The following BACH2 variants were observed in gnomAD, a reference collection of about 807,000 sequenced individuals.
BACH2 encodes the protein transcription regulator protein BACH2.
BACH2 carries 5 observed loss-of-function variants against 61.8 expected under a neutral mutation model. The ratio of observed to expected loss-of-function variants is 0.08; its 90% CI spans 0.04 to 0.17. The LOEUF (loss-of-function observed/expected upper bound fraction) is 0.17, where lower values mean the gene tolerates loss of function less well. Among genes scored for constraint, BACH2 ranks in the 10% least tolerant of loss-of-function variants. The pLI is 1.00. For synonymous variants in BACH2, 446 were observed against 440.1 expected, an observed-to-expected ratio of 1.01 and a Z score of -0.17; for missense variants, 824 against 1,091.1, an observed-to-expected ratio of 0.76 and a Z score of 3.45.
At chr6:89,983,609 C>A (rs13347342) in intron 6 of BACH2, among the ~76,000 whole-genome samples, 1 of 152,020 alleles carries the variant, frequency 6.6e-6, no homozygotes, top group Non-Finnish European at 1.5e-5. Context: ...GCAGAGGTTG[C>A]GGTGAGCCGA....
At position 90,164,633 on chromosome 6, in the gene BACH2, T is replaced by C. The variant is rs532511908; in HGVS notation, c.-162+41936A>G. 2.0e-4 allele frequency among the ~76,000 whole-genome samples: 31 copies of C among 152,230 alleles called. No individual in the cohort carries two copies. The East Asian group carries it at 3.7e-3, about 18-fold the overall frequency. ...CAAAAAAGAGAATTTTAGACCAATA[T>C]CCTTGATGAACATTGATGCAAAAAT... is the stretch of plus-strand genomic sequence containing the variant. On this transcript the variant is annotated intron_variant, in intron 4 of 8. Coordinates refer to ENST00000257749, the MANE Select transcript of BACH2 (RefSeq NM_021813.4).
At chr6:89,937,125 T>C (rs937927054) in intron 8 of BACH2, among the ~76,000 whole-genome samples, 3 of 152,064 alleles carry the variant, frequency 2.0e-5, no homozygotes, top group African/African-American at 7.2e-5. Flanking sequence ...GACGGGAGTT[T>C]GTTTTCTGTG....
chr6:90,028,465 G>GT lies in BACH2; in HGVS notation c.-12-19610dup, dbSNP rs751934706. 1.2e-4 allele frequency among the ~76,000 whole-genome samples: 19 copies of GT among 152,276 alleles called. No individual in the cohort carries two copies. In the Middle Eastern group the frequency reaches 0.017, roughly 137 times the overall value. ...TTTCTCTCTCTGCTACCTTTTGCAT[G>GT]TATGTTCTGCCCAAATCAGAATCCT... On this transcript the variant is annotated intron_variant, in intron 5 of 8. Coordinates refer to ENST00000257749, the MANE Select transcript of BACH2 (RefSeq NM_021813.4).
chr6:89,966,288 T>A lies in BACH2; in HGVS notation c.244-14426A>T, dbSNP rs188426273. On this transcript the variant is annotated intron_variant, in intron 6 of 8. Transcript: ENST00000257749. ...TAAAAATCATACATGGAAACCAGAC[T>A]TTTTGCCAAAGGGACGATACACTTC... Among the ~76,000 whole-genome samples, 17 of 152,342 alleles carry A rather than the reference T, an allele frequency of 1.1e-4. No homozygotes were observed. The East Asian group carries it at 2.9e-3, about 26-fold the overall frequency.
At chr6:90,053,960 T>C (rs540296051) in intron 5 of BACH2, among the ~76,000 whole-genome samples, 2 of 152,192 alleles carry the variant, frequency 1.3e-5, no homozygotes, top group Non-Finnish European at 2.9e-5. Context: ...TATTTCTCAT[T>C]GAAAAATTCT....
intron 4 of BACH2, among the ~76,000 whole-genome samples, chr6:90,102,839 T>TAAGAAA (rs751278080): frequency 8.2e-6 from 1 of 122,220 alleles, no homozygotes; most frequent in Non-Finnish European, 1.7e-5. Context: ...ATAATAATAA[T>TAAGAAA]AAAAATAAAA....
chr6:90,122,458 T>TG (rs1359931757), intron 4 of BACH2, among the ~76,000 whole-genome samples: 3 of 152,206 alleles, frequency 2.0e-5, no homozygotes, highest in Non-Finnish European at 4.4e-5. Context: ...GGCAGTAAGA[T>TG]GGGATACATG....
rs754740830 is a variant in BACH2 at position 89,938,131 on chromosome 6, TG to T, written c.2043+12del. 3.1e-6 allele frequency: 5 copies of T among 1,610,166 alleles called. No individual in the cohort carries two copies. In the African/African-American group the frequency reaches 6.7e-5, roughly 21 times the overall value. ...ACTTCAGGTTGCTGATCACAATGGATGGGTCAACTCACCAATTTGCGGATTT... is the reference window on the plus strand; with the variant it reads ...ACTTCAGGTTGCTGATCACAATGGATGGTCAACTCACCAATTTGCGGATTT... On this transcript the variant is annotated intron_variant, in intron 8 of 8. Coordinates refer to ENST00000257749, the MANE Select transcript of BACH2 (RefSeq NM_021813.4).
intron 4 of BACH2, among the ~76,000 whole-genome samples, chr6:90,143,939 T>C (rs765983710): frequency 3.3e-5 from 5 of 152,032 alleles, no homozygotes; most frequent in Non-Finnish European, 5.9e-5. Context: ...ATATATGTTA[T>C]AGAACTCTTT....
At chr6:90,092,530 C>T (rs1782215359) in intron 4 of BACH2, among the ~76,000 whole-genome samples, 1 of 151,916 alleles carries the variant, frequency 6.6e-6, no homozygotes, top group Non-Finnish European at 1.5e-5. Flanking sequence ...CACTCACTGC[C>T]TCGGAGCCTA....
chr6:90,059,250 T>A (rs1290519531), intron 5 of BACH2, among the ~76,000 whole-genome samples: 2 of 152,240 alleles, frequency 1.3e-5, no homozygotes, highest in African/African-American at 4.8e-5. Flanking sequence ...ATATCCAGAA[T>A]CTACAATGAA....
At chr6:90,242,740 C>T (rs1770494563) in intron 3 of BACH2, among the ~76,000 whole-genome samples, 1 of 152,200 alleles carries the variant, frequency 6.6e-6, no homozygotes, top group South Asian at 2.1e-4. Flanking sequence ...AATATCTACA[C>T]AATGTGACCA....
chr6:90,055,163 T>G (rs539797335), intron 5 of BACH2, among the ~76,000 whole-genome samples: 1 of 152,030 alleles, frequency 6.6e-6, no homozygotes, highest in Non-Finnish European at 1.5e-5. Flanking sequence ...CTTCAGATGA[T>G]CAAACTACTC....
chr6:90,045,214 C>T (rs1189874766), intron 5 of BACH2, among the ~76,000 whole-genome samples: 1 of 152,156 alleles, frequency 6.6e-6, no homozygotes, highest in Non-Finnish European at 1.5e-5. Context: ...CTTACATGCG[C>T]AGAAAAGCCT....
At chr6:90,284,574 C>T (rs1305634200) in intron 1 of BACH2, among the ~76,000 whole-genome samples, 1 of 152,202 alleles carries the variant, frequency 6.6e-6, no homozygotes, top group Non-Finnish European at 1.5e-5. Context: ...TCAAACACAG[C>T]CCCGACAGGA....
At chr6:90,064,640 C>A (rs531474409) in intron 5 of BACH2, among the ~76,000 whole-genome samples, 3 of 152,214 alleles carry the variant, frequency 2.0e-5, no homozygotes, top group African/African-American at 7.2e-5. Flanking sequence ...AAAAGTCCAG[C>A]TAATAAGTGG....
At chr6:90,039,645 A>C (rs913411933) in intron 5 of BACH2, among the ~76,000 whole-genome samples, 1 of 152,262 alleles carries the variant, frequency 6.6e-6, no homozygotes, top group South Asian at 2.1e-4. Flanking sequence ...CGGCCTCCCA[A>C]AATGCTGGGA....
At chr6:90,220,794 T>C (rs72925996) in intron 3 of BACH2, among the ~76,000 whole-genome samples, 37,377 of 152,170 alleles carry the variant, frequency 0.25, 5,517 homozygotes, top group Non-Finnish European at 0.34. Flanking sequence ...AATAACAGCA[T>C]AGTTAATAAA....
intron 4 of BACH2, among the ~76,000 whole-genome samples, chr6:90,203,008 GAA>G (rs1172813458): frequency 6.6e-6 from 1 of 152,148 alleles, no homozygotes; most frequent in Non-Finnish European, 1.5e-5. Context: ...AGATAAACCA[GAA>G]ATGTTGGTTT....
Sources: allele counts gnomAD v4.1 joint callset (sites outside exome capture counted in the v4.1 genomes callset), GRCh38; gene constraint gnomAD v4.1.1; transcripts MANE v1.5; gene names NCBI Gene and HGNC (gene_info 2026-07-23, HGNC 2026-07-21).